The following ITGA8 variants were observed in gnomAD, a reference collection of about 807,000 sequenced individuals.
ITGA8 encodes the protein integrin alpha-8.
A neutral mutation model predicts 142.3 loss-of-function variants in ITGA8; 91 were observed. The ratio of observed to expected loss-of-function variants is 0.64; its 90% CI spans 0.54 to 0.76. The LOEUF is 0.76. Ranked by LOEUF, ITGA8 falls within the 30% of genes least tolerant of loss-of-function variation. The pLI, the probability that ITGA8 is intolerant of heterozygous loss-of-function variation, is 0.00. For synonymous variants in ITGA8, 505 were observed against 485.2 expected, an observed-to-expected ratio of 1.04 and a Z score of -0.54; for missense variants, 1,406 against 1,327.7, an observed-to-expected ratio of 1.06 and a Z score of -0.92.
chr10:15,683,268 CCCATCCATCCATCCATCCAT>C, intron 4 of ITGA8, among the ~76,000 whole-genome samples: 1 of 109,320 alleles, frequency 9.1e-6, no homozygotes, highest in Non-Finnish European at 1.9e-5. Context: ...GATGAATCCA[CCCATCCATCCATCCATCCAT>C]CCATCCACCC....
In ITGA8 at chr10:15,644,145, G is replaced by A. The variant is rs1301644274; in HGVS notation, c.1284C>T (p.Gly428=). ...GAACTTGGGAAGGCTTGGTGTTTAAGCCATCTTTGTTCCCATTATAAATGA... is the reference window on the plus strand; with the variant it reads ...GAACTTGGGAAGGCTTGGTGTTTAAACCATCTTTGTTCCCATTATAAATGA... ...KVLIYNGNKD[G]LNTKPSQVLQ... The change falls in exon 13 of 30, where the codon GGC becomes GGT. Residue 428 remains glycine (G), a synonymous_variant. Coordinates refer to ENST00000378076, the MANE Select transcript of ITGA8 (RefSeq NM_003638.3). 3.7e-6 allele frequency: 6 copies of A among 1,614,118 alleles called. No individual in the cohort carries two copies. The South Asian group carries it at 6.6e-5, about 18-fold the overall frequency.
chr10:15,645,226 C>G (rs969390640), intron 12 of ITGA8, among the ~76,000 whole-genome samples: 1 of 151,720 alleles, frequency 6.6e-6, no homozygotes, highest in Non-Finnish European at 1.5e-5. Flanking sequence ...ACTGCCTTGA[C>G]TCCCATCCCC....
intron 15 of ITGA8, among the ~76,000 whole-genome samples, chr10:15,612,249 G>T (rs1392768274): frequency 2.0e-5 from 3 of 151,980 alleles, no homozygotes; most frequent in Non-Finnish European, 4.4e-5. Context: ...AATTCTTCAG[G>T]GTCCTCTAAG....
chr10:15,607,819 T>C lies in ITGA8; in HGVS notation c.1622A>G (p.Glu541Gly). 1 of 1,612,410 alleles carries C rather than the reference T, an allele frequency of 6.2e-7. No individual in the cohort carries two copies. Among genetic ancestry groups the C allele is most frequent in the Non-Finnish European group, 8.5e-7 (1 of 1,179,184 alleles). The change falls in exon 17 of 30, where the codon GAG (glutamate) becomes GGG (glycine). Residue 541 changes from glutamate (E) to glycine (G), a missense_variant. Glu to Gly is a moderately conservative substitution (Grantham distance 98). Transcript: ENST00000378076. ...SIANTIVLMA[E>G]VQLDSLKQKG... ...CTGTTTCAGGGAATCTAATTGCACCTCTGCCATCAAGACTAAAGGACAGAA... is the reference window on the plus strand; with the variant it reads ...CTGTTTCAGGGAATCTAATTGCACCCCTGCCATCAAGACTAAAGGACAGAA...
At chr10:15,655,988 G>T (rs1834176863) in intron 10 of ITGA8, among the ~76,000 whole-genome samples, 1 of 152,138 alleles carries the variant, frequency 6.6e-6, no homozygotes, top group Non-Finnish European at 1.5e-5. Context: ...TGGGGCTGAA[G>T]TGGGAGGATC....
At position 15,677,581 on chromosome 10, in the gene ITGA8, A is replaced by G; in HGVS notation, c.676+11T>C. ...ACAAATGTGCTTTTCTTGTCTGCCA[A>G]CAGAACATACCTTGCCAGTAGAAAC... On this transcript the variant is annotated intron_variant, in intron 6 of 29. Coordinates refer to ENST00000378076, the MANE Select transcript of ITGA8 (RefSeq NM_003638.3). 1 of 1,611,746 alleles carries G rather than the reference A, an allele frequency of 6.2e-7. No individual in the cohort carries two copies. Among genetic ancestry groups the G allele is most frequent in the Non-Finnish European group, 8.5e-7 (1 of 1,178,850 alleles).
At chr10:15,575,072 A>G (rs2131583226) in intron 24 of ITGA8, among the ~76,000 whole-genome samples, 1 of 152,256 alleles carries the variant, frequency 6.6e-6, no homozygotes, top group South Asian at 2.1e-4. Context: ...AACAGCATGA[A>G]CCTAGGCAGT....
At chr10:15,655,641 C>T (rs530163358) in intron 10 of ITGA8, among the ~76,000 whole-genome samples, 20 of 152,274 alleles carry the variant, frequency 1.3e-4, no homozygotes, top group African/African-American at 4.6e-4. Flanking sequence ...GGATGTTCAA[C>T]AATCAGCCCA....
chr10:15,535,914 C>T (rs543352786), intron 27 of ITGA8, among the ~76,000 whole-genome samples: 1 of 152,190 alleles, frequency 6.6e-6, no homozygotes, highest in African/African-American at 2.4e-5. Flanking sequence ...TCTGCAGCTT[C>T]ACTCCTGAAG....
chr10:15,545,928 C>T (rs887626347), intron 27 of ITGA8, among the ~76,000 whole-genome samples: 11 of 152,136 alleles, frequency 7.2e-5, no homozygotes, highest in East Asian at 1.9e-4. Flanking sequence ...AAATCAGGCT[C>T]CCATCCATGG....
At position 15,681,049 on chromosome 10, in the gene ITGA8, G is replaced by C. The variant is rs1053694374; in HGVS notation, c.569-2266C>G. Among the ~76,000 whole-genome samples, 61 of 152,170 alleles carry C rather than the reference G, an allele frequency of 4.0e-4. 1 individual carries two copies. The highest frequency in any genetic ancestry group is 1.4e-3 in the African/African-American group (60 of 41,436). ...TTGACGTCTTACCCAACAAATGGAA[G>C]GGTGTGTGTATGAACCATCTCCACC... On this transcript the variant is annotated intron_variant, in intron 4 of 29. Transcript: ENST00000378076.
At chr10:15,548,677 A>G in intron 26 of ITGA8, 109 bp from the exon 27 acceptor site, 1 of 630,166 alleles carries the variant, frequency 1.6e-6, no homozygotes, top group Non-Finnish European at 2.7e-6. Flanking sequence ...ACCTTATGAT[A>G]AATTATTAAT....
At position 15,694,137 on chromosome 10, in the gene ITGA8, A is replaced by G. The variant is rs1368834706; in HGVS notation, c.344-6099T>C. ...TATATCATATATCTATATTATATAG[A>G]TAATATATCATATATCAGATAATAT... is the stretch of plus-strand genomic sequence containing the variant. On this transcript the variant is annotated intron_variant, in intron 2 of 29. Coordinates refer to ENST00000378076, the MANE Select transcript of ITGA8 (RefSeq NM_003638.3). Among the ~76,000 whole-genome samples, 26 of 145,772 alleles carry G rather than the reference A, an allele frequency of 1.8e-4. No homozygotes were observed. In the Admixed American group the frequency reaches 1.8e-3, roughly 10 times the overall value.
At chr10:15,544,934 C>G (rs1034003071) in intron 27 of ITGA8, among the ~76,000 whole-genome samples, 1 of 152,152 alleles carries the variant, frequency 6.6e-6, no homozygotes, top group Admixed American at 6.6e-5. Context: ...CTGTGCATGT[C>G]TCTGAGCCAT....
intron 8 of ITGA8, among the ~76,000 whole-genome samples, chr10:15,665,338 C>T (rs1461170659): frequency 6.6e-6 from 1 of 152,108 alleles, no homozygotes; most frequent in South Asian, 2.1e-4. Flanking sequence ...CTGTTCATAT[C>T]CTTCGCCCAC....
At chr10:15,669,664 A>G (rs1343456726) in intron 8 of ITGA8, among the ~76,000 whole-genome samples, 1 of 151,988 alleles carries the variant, frequency 6.6e-6, no homozygotes, top group Non-Finnish European at 1.5e-5. Flanking sequence ...TTGGTCTTTG[A>G]TGATGGTGAC....
At chr10:15,560,656 C>T (rs1434077761) in intron 25 of ITGA8, among the ~76,000 whole-genome samples, 2 of 152,094 alleles carry the variant, frequency 1.3e-5, no homozygotes, top group Admixed American at 1.3e-4. Context: ...TGGCATGAAG[C>T]TCCATTGGAA....
chr10:15,633,972 C>T (rs1164788048), intron 13 of ITGA8, among the ~76,000 whole-genome samples: 6 of 152,108 alleles, frequency 3.9e-5, no homozygotes, highest in Non-Finnish European at 7.4e-5. Context: ...CCCTGTTCTG[C>T]GAAGTCTTGC....
At chr10:15,592,345 C>G in intron 21 of ITGA8, 41 bp from the exon 22 acceptor site, 1 of 1,406,544 alleles carries the variant, frequency 7.1e-7, no homozygotes, top group Non-Finnish European at 1.0e-6. Context: ...AGCTTGTACA[C>G]AACATAAAAA....
Sources: gnomAD v4.1 joint callset for allele counts (sites outside exome capture counted in the v4.1 genomes callset) on GRCh38, gnomAD v4.1.1 for gene constraint, MANE v1.5 for transcripts, NCBI Gene and HGNC (gene_info 2026-07-23, HGNC 2026-07-21) for gene names.